GABBR2: variants seen among roughly 807,000 people sequenced by gnomAD.
GABBR2 encodes the protein gamma-aminobutyric acid type B receptor subunit 2, also known as G-protein coupled receptor 51.
A neutral mutation model predicts 105.6 loss-of-function variants in GABBR2; 23 were observed. The observed-to-expected ratio is 0.22, with a 90% CI of 0.16 to 0.31. The LOEUF (loss-of-function observed/expected upper bound fraction) is 0.31, where lower values mean the gene tolerates loss of function less well. GABBR2 is among the 10% of genes least tolerant of loss of function. The pLI, the probability that GABBR2 is intolerant of heterozygous loss-of-function variation, is 1.00. For synonymous variants in GABBR2, 478 were observed against 499.7 expected (o/e 0.96, Z 0.58); for missense variants, 734 against 1,245.5 (o/e 0.59, Z 6.18).
intron 7 of GABBR2, among the ~76,000 whole-genome samples, chr9:98,445,856 G>A (rs1826119153): frequency 6.6e-6 from 1 of 152,246 alleles, no homozygotes; most frequent in Admixed American, 6.5e-5. Flanking sequence ...GAGCTCAGGA[G>A]ATCTGGGTGG....
intron 3 of GABBR2, among the ~76,000 whole-genome samples, chr9:98,536,769 A>G (rs919536121): frequency 1.3e-5 from 2 of 152,238 alleles, no homozygotes; most frequent in Admixed American, 6.5e-5. Flanking sequence ...CTCAATGTGC[A>G]CACGGGTTAC....
At chr9:98,317,437 G>A (rs1425290299) in intron 13 of GABBR2, among the ~76,000 whole-genome samples, 2 of 152,244 alleles carry the variant, frequency 1.3e-5, no homozygotes, top group Non-Finnish European at 2.9e-5. Context: ...AAACTGACAG[G>A]CAGGGAGTTG....
At chr9:98,403,354 CAG>C (rs1379330449) in intron 8 of GABBR2, among the ~76,000 whole-genome samples, 87 of 150,690 alleles carry the variant, frequency 5.8e-4, no homozygotes, top group African/African-American at 2.1e-3. Context: ...ATTGAAGGCC[CAG>C]CTGTGACCCT....
chr9:98,557,677 T>A (rs1828609293), intron 2 of GABBR2, among the ~76,000 whole-genome samples: 1 of 152,240 alleles, frequency 6.6e-6, no homozygotes, highest in Non-Finnish European at 1.5e-5. Context: ...GGGAGCATAC[T>A]CAGTGACTTC....
At chr9:98,641,183 G>C (rs962900792) in intron 1 of GABBR2, among the ~76,000 whole-genome samples, 1 of 150,896 alleles carries the variant, frequency 6.6e-6, no homozygotes, top group South Asian at 2.1e-4. Flanking sequence ...GCCCAGGCTG[G>C]AGTGCAGTGG....
intron 7 of GABBR2, among the ~76,000 whole-genome samples, chr9:98,420,968 G>A (rs1457748391): frequency 1.3e-5 from 2 of 152,186 alleles, no homozygotes; most frequent in Non-Finnish European, 2.9e-5. Context: ...GAGATCTCTT[G>A]CTTTGCCAGA....
intron 1 of GABBR2, among the ~76,000 whole-genome samples, chr9:98,669,185 A>T (rs1327162033): frequency 6.6e-6 from 1 of 152,154 alleles, no homozygotes; most frequent in Non-Finnish European, 1.5e-5. Context: ...CATTTTCTTC[A>T]CATCCTCACC....
At chr9:98,634,106 G>A (rs535488232) in intron 1 of GABBR2, among the ~76,000 whole-genome samples, 21 of 152,318 alleles carry the variant, frequency 1.4e-4, no homozygotes, top group African/African-American at 4.8e-4. Flanking sequence ...CAGCATGCAC[G>A]AGACTGCCGC....
At chr9:98,424,720 C>G (rs909760572) in intron 7 of GABBR2, among the ~76,000 whole-genome samples, 1 of 151,664 alleles carries the variant, frequency 6.6e-6, no homozygotes, top group Non-Finnish European at 1.5e-5. Flanking sequence ...CATGAGTGAA[C>G]TCCCATTCAC....
intron 13 of GABBR2, among the ~76,000 whole-genome samples, chr9:98,320,522 T>G (rs1383313265): frequency 1.3e-5 from 2 of 152,136 alleles, no homozygotes; most frequent in African/African-American, 4.8e-5. Context: ...GAAAGACACA[T>G]GCACACGTAT....
At chr9:98,689,079 T>G (rs1830654400) in intron 1 of GABBR2, among the ~76,000 whole-genome samples, 2 of 152,194 alleles carry the variant, frequency 1.3e-5, no homozygotes, top group South Asian at 4.2e-4. Flanking sequence ...TTGTATGGCT[T>G]TAGCAAGTCA....
intron 13 of GABBR2, among the ~76,000 whole-genome samples, chr9:98,337,230 G>C (rs963898650): frequency 6.6e-6 from 1 of 152,118 alleles, no homozygotes; most frequent in South Asian, 2.1e-4. Flanking sequence ...GCTTGAACCC[G>C]GGAGGCGGAG....
intron 1 of GABBR2, among the ~76,000 whole-genome samples, chr9:98,609,427 A>G (rs1432163099): frequency 2.6e-5 from 4 of 152,216 alleles, no homozygotes; most frequent in East Asian, 3.9e-4. Flanking sequence ...CCTTCCATCT[A>G]TGAAATCCAA....
Position 98,496,463 on chromosome 9 carries a change from C to G in GABBR2, c.682G>C (p.Asp228His), listed in dbSNP as rs1255753413. 6.2e-7 allele frequency: 1 copy of G among 1,613,372 alleles called. No individual in the cohort carries two copies. ...GGATCGTTGGAGAAGCTCTCGGTGTCTGAAATCTCAATGTCCTCGCCATAC... is the reference window on the plus strand; with the variant it reads ...GGATCGTTGGAGAAGCTCTCGGTGTGTGAAATCTCAATGTCCTCGCCATAC... ...VLYGEDIEISDTESFSNDPCT... is the reference protein window; with the variant it reads ...VLYGEDIEISHTESFSNDPCT... Residue 228 changes from aspartate (D) to histidine (H), a missense_variant, in exon 4 of 19, where the codon GAC (aspartate) becomes CAC (histidine). This residue lies in a region of GABBR2 where 370 missense variants were observed against 648.9 expected (regional missense o/e 0.57). Coordinates refer to ENST00000259455, the MANE Select transcript of GABBR2 (RefSeq NM_005458.8).
chr9:98,575,500 C>T (rs1199559856), intron 2 of GABBR2, among the ~76,000 whole-genome samples: 1 of 152,128 alleles, frequency 6.6e-6, no homozygotes, highest in African/African-American at 2.4e-5. Context: ...TCAGTCTTTC[C>T]ATCCACACAA....
intron 1 of GABBR2, among the ~76,000 whole-genome samples, chr9:98,615,764 T>G (rs1829574048): frequency 6.6e-6 from 1 of 152,216 alleles, no homozygotes; most frequent in African/African-American, 2.4e-5. Context: ...CTGGACTCCT[T>G]GATACATATT....
chr9:98,290,474 C>A lies in GABBR2; in HGVS notation c.*110G>T, dbSNP rs1382719974. ...CATCCGAGTGGTCCTGAGAGGCCAG[C>A]CATGGTGCCCAGCTTCTCCGCAGCC... On this transcript the variant is annotated 3_prime_UTR_variant, in exon 19 of 19. Coordinates refer to ENST00000259455, the MANE Select transcript of GABBR2 (RefSeq NM_005458.8). 1.3e-6 allele frequency: 1 copy of A among 766,504 alleles called. No homozygotes were observed. Among genetic ancestry groups the A allele is most frequent in the Non-Finnish European group, 1.8e-6 (1 of 547,676 alleles). 47.5% of individuals were successfully genotyped at this position (766,504 alleles called of 1,614,324 possible). A position where few individuals can be genotyped will look rare whatever the true frequency, so the allele number is the denominator to read the frequency against.
chr9:98,620,755 A>G (rs1588255914), intron 1 of GABBR2, among the ~76,000 whole-genome samples: 2 of 152,130 alleles, frequency 1.3e-5, no homozygotes, highest in South Asian at 2.1e-4. Context: ...GCCCTGGCCC[A>G]TCTCAGCACC....
At chr9:98,701,753 T>C (rs888000336) in intron 1 of GABBR2, among the ~76,000 whole-genome samples, 1 of 152,044 alleles carries the variant, frequency 6.6e-6, no homozygotes, top group Non-Finnish European at 1.5e-5. Context: ...AAGGCCACAG[T>C]GTCTGCACCC....
Sources: gnomAD v4.1 joint callset for allele counts (sites outside exome capture counted in the v4.1 genomes callset) on GRCh38, gnomAD v4.1.1 for gene constraint, gnomAD v4.1.1 regional missense constraint, MANE v1.5 for transcripts, NCBI Gene and HGNC (gene_info 2026-07-23, HGNC 2026-07-21) for gene names.